PLCZ1: variants seen among roughly 807,000 people sequenced by gnomAD.
PLCZ1 encodes the protein 1-phosphatidylinositol 4,5-bisphosphate phosphodiesterase zeta-1.
PLCZ1 carries 64 observed loss-of-function variants against 76.8 expected under a neutral mutation model. The observed-to-expected ratio is 0.83, with a 90% CI of 0.68 to 1.03. The LOEUF (loss-of-function observed/expected upper bound fraction) is 1.03, where lower values mean the gene tolerates loss of function less well. PLCZ1 is among the 50% of genes least tolerant of loss of function. The pLI is 0.00. For missense variants in PLCZ1, 751 were observed against 713.7 expected, an observed-to-expected ratio of 1.05 and a Z score of -0.60; for synonymous variants, 248 against 230.8, an observed-to-expected ratio of 1.07 and a Z score of -0.68.
intron 3 of PLCZ1, among the ~76,000 whole-genome samples, chr12:18,732,057 A>T (rs1243221269): frequency 6.6e-6 from 1 of 152,206 alleles, no homozygotes; most frequent in East Asian, 1.9e-4. Context: ...TAATGTATAC[A>T]ACTTGATGAG....
chr12:18,729,719 A>C (rs1958940103), intron 3 of PLCZ1, among the ~76,000 whole-genome samples: 2 of 152,130 alleles, frequency 1.3e-5, no homozygotes, highest in South Asian at 4.1e-4. Flanking sequence ...TGATAAAAGC[A>C]ATAGGCTTTT....
the PLCZ1 span, among the ~76,000 whole-genome samples, chr12:18,654,410 AT>A: frequency 6.7e-6 from 1 of 148,778 alleles, no homozygotes; most frequent in African/African-American, 2.5e-5. Flanking sequence ...CTCTTAAAGT[AT>A]CAGCATTATT....
chr12:18,737,467 G>A lies in PLCZ1; in HGVS notation c.-96C>T. 1 of 1,529,400 alleles carries A rather than the reference G, an allele frequency of 6.5e-7. No individual in the cohort carries two copies. Among genetic ancestry groups the A allele is most frequent in the Non-Finnish European group, 9.1e-7 (1 of 1,104,910 alleles). 94.7% of individuals were successfully genotyped at this position (1,529,400 alleles called of 1,614,324 possible). ...CAAATACAATTAACTCTGCCCCTTT[G>A]CAGAAAATAATTTCTTGATACTCAT... is the stretch of plus-strand genomic sequence containing the variant. On this transcript the variant is annotated 5_prime_UTR_variant, in exon 2 of 15. Transcript: ENST00000266505.
At chr12:18,676,048 A>G in the PLCZ1 span, among the ~76,000 whole-genome samples, 1 of 152,118 alleles carries the variant, frequency 6.6e-6, no homozygotes, top group Admixed American at 6.6e-5. Context: ...AAAAAATTAT[A>G]CCATCAACAC....
chr12:18,734,824 G>C (rs1234743943), intron 3 of PLCZ1, among the ~76,000 whole-genome samples: 1 of 152,160 alleles, frequency 6.6e-6, no homozygotes, highest in Non-Finnish European at 1.5e-5. Context: ...AGTGGTGAGA[G>C]TGGGCATCCT....
chr12:18,694,219 C>T, intron 12 of PLCZ1: 1 of 620,308 alleles, frequency 1.6e-6, no homozygotes, highest in Non-Finnish European at 2.9e-6. Flanking sequence ...GCAAAACATC[C>T]TGTGTCTTTT....
At chr12:18,698,361 G>A (rs534242808) in intron 10 of PLCZ1, among the ~76,000 whole-genome samples, 29 of 150,380 alleles carry the variant, frequency 1.9e-4, no homozygotes, top group Middle Eastern at 6.8e-3. Context: ...TTTAACTGTA[G>A]TCCAGACCTA....
At chr12:18,699,658 C>A (rs1169796718) in intron 10 of PLCZ1, 136 bp downstream of exon 10, 3 of 930,430 alleles carry the variant, frequency 3.2e-6, no homozygotes, top group Non-Finnish European at 5.1e-6. Context: ...GTATGTAACC[C>A]CATTCTAAAT....
intron 2 of PLCZ1, 151 bp from the exon 3 acceptor site, chr12:18,736,495 A>T: frequency 8.2e-7 from 1 of 1,218,652 alleles, no homozygotes; most frequent in Non-Finnish European, 1.1e-6. Context: ...AATATTTTTT[A>T]AAAAACAAAA....
chr12:18,693,447 T>G, intron 12 of PLCZ1: 1 of 1,605,764 alleles, frequency 6.2e-7, no homozygotes, highest in Non-Finnish European at 8.5e-7. Context: ...GGGGTCATTC[T>G]CTGTGGTCCA....
At chr12:18,650,712 CTATA>C in the PLCZ1 span, among the ~76,000 whole-genome samples, 354 of 14,346 alleles carry the variant, frequency 0.025, 3 homozygotes, top group South Asian at 0.04. Context: ...GTGTATATAT[CTATA>C]TATATATATA....
intron 3 of PLCZ1, among the ~76,000 whole-genome samples, chr12:18,733,598 G>T (rs898642156): frequency 4.6e-5 from 7 of 152,070 alleles, no homozygotes; most frequent in Non-Finnish European, 8.8e-5. Context: ...CATAGTTTCA[G>T]GTCTCAAGTT....
chr12:18,717,786 C>T (rs878865696), intron 5 of PLCZ1, among the ~76,000 whole-genome samples: 4 of 152,112 alleles, frequency 2.6e-5, no homozygotes, highest in Non-Finnish European at 5.9e-5. Context: ...GTTGGCTATA[C>T]CTCCTAAAAT....
At chr12:18,736,980 CATAG>C (rs1454168188) in intron 2 of PLCZ1, among the ~76,000 whole-genome samples, 1 of 151,996 alleles carries the variant, frequency 6.6e-6, no homozygotes, top group African/African-American at 2.4e-5. Flanking sequence ...GCTTACTTAT[CATAG>C]ATAAACTACA....
chr12:18,661,480 G>A, the PLCZ1 span, among the ~76,000 whole-genome samples: 2 of 152,048 alleles, frequency 1.3e-5, no homozygotes, highest in Admixed American at 1.3e-4. Flanking sequence ...AAAAACAACT[G>A]TCAACCATGA....
chr12:18,709,854 T>A (rs1957077704), intron 6 of PLCZ1, among the ~76,000 whole-genome samples: 1 of 152,170 alleles, frequency 6.6e-6, no homozygotes, highest in South Asian at 2.1e-4. Context: ...GTTTTATAGT[T>A]TTCAGTATAC....
At chr12:18,686,968 C>T (rs1360264146) in intron 13 of PLCZ1, among the ~76,000 whole-genome samples, 1 of 151,914 alleles carries the variant, frequency 6.6e-6, no homozygotes, top group Non-Finnish European at 1.5e-5. Flanking sequence ...AATTAAGTTT[C>T]TAAGCATTTT....
the PLCZ1 span, among the ~76,000 whole-genome samples, chr12:18,647,536 TA>T: frequency 6.6e-6 from 1 of 152,030 alleles, no homozygotes; most frequent in African/African-American, 2.4e-5. Flanking sequence ...TATGAATACA[TA>T]ATAGCTGTAC....
chr12:18,666,170 A>G, the PLCZ1 span, among the ~76,000 whole-genome samples: 1 of 152,006 alleles, frequency 6.6e-6, no homozygotes. Flanking sequence ...GAAAAAAATT[A>G]TAGAGAAATT....
Sources: allele counts gnomAD v4.1 joint callset (sites outside exome capture counted in the v4.1 genomes callset), GRCh38; gene constraint gnomAD v4.1.1; transcripts MANE v1.5; gene names NCBI Gene and HGNC (gene_info 2026-07-23, HGNC 2026-07-21).